CTNNA3: variants seen among roughly 807,000 people sequenced by gnomAD.
CTNNA3 encodes the protein catenin alpha 3, also known as catenin alpha-3.
CTNNA3 carries 76 observed loss-of-function variants against 95.7 expected under a neutral mutation model. The ratio of observed to expected loss-of-function variants is 0.79; its 90% CI spans 0.66 to 0.96. The LOEUF is 0.96. Ranked by LOEUF, CTNNA3 falls within the 40% of genes least tolerant of loss-of-function variation. CTNNA3 has a pLI of 0.00. For synonymous variants in CTNNA3, 431 were observed against 374.4 expected (o/e 1.15, Z -1.74); for missense variants, 1,191 against 1,089.8 (o/e 1.09, Z -1.31).
chr10:66,644,616 T>C (rs1330480566), intron 9 of CTNNA3, among the ~76,000 whole-genome samples: 2 of 151,774 alleles, frequency 1.3e-5, no homozygotes, highest in African/African-American at 4.8e-5. Flanking sequence ...CCTTGCAAAC[T>C]TTATCCCCGT....
chr10:67,316,681 A>G (rs2132539932), intron 5 of CTNNA3, among the ~76,000 whole-genome samples: 1 of 152,352 alleles, frequency 6.6e-6, no homozygotes, highest in South Asian at 2.1e-4. Flanking sequence ...ATTTAACAGC[A>G]ACCACCCTAA....
intron 3 of CTNNA3, among the ~76,000 whole-genome samples, chr10:67,577,240 G>A (rs894947544): frequency 1.1e-4 from 17 of 151,490 alleles, no homozygotes; most frequent in East Asian, 9.8e-4. Context: ...TTTAATGATC[G>A]CCATTCTAAC....
At chr10:66,299,854 A>G (rs1473553715) in intron 12 of CTNNA3, among the ~76,000 whole-genome samples, 1 of 152,200 alleles carries the variant, frequency 6.6e-6, no homozygotes, top group Admixed American at 6.5e-5. Flanking sequence ...AGAAAAATAA[A>G]AATAATATAC....
chr10:66,182,465 C>T (rs1353615159), intron 13 of CTNNA3, among the ~76,000 whole-genome samples: 1 of 152,010 alleles, frequency 6.6e-6, no homozygotes, highest in Non-Finnish European at 1.5e-5. Flanking sequence ...CCATGTTAGC[C>T]AGGATGGTCT....
intron 10 of CTNNA3, among the ~76,000 whole-genome samples, chr10:66,585,462 T>C (rs1463796029): frequency 6.6e-6 from 1 of 151,938 alleles, no homozygotes; most frequent in Non-Finnish European, 1.5e-5. Flanking sequence ...AAATTCTTTC[T>C]TCTGCTTGGT....
At chr10:66,212,776 G>A (rs1405899061) in intron 13 of CTNNA3, among the ~76,000 whole-genome samples, 2 of 152,156 alleles carry the variant, frequency 1.3e-5, no homozygotes, top group African/African-American at 4.8e-5. Context: ...GGCCAAGGTG[G>A]GCAGATTACT....
chr10:67,117,289 G>T (rs915572889), intron 7 of CTNNA3, among the ~76,000 whole-genome samples: 1 of 151,760 alleles, frequency 6.6e-6, no homozygotes, highest in Non-Finnish European at 1.5e-5. Context: ...TACTCCATAA[G>T]TATGATTTAA....
chr10:66,360,777 CTT>C (rs2092660782), intron 12 of CTNNA3, among the ~76,000 whole-genome samples: 1 of 52,952 alleles, frequency 1.9e-5, no homozygotes, highest in Non-Finnish European at 4.1e-5. Context: ...CCTTTTCTTT[CTT>C]TCTTTCTTCC....
chr10:67,513,417 G>A (rs1839704236), intron 5 of CTNNA3, among the ~76,000 whole-genome samples: 1 of 152,190 alleles, frequency 6.6e-6, no homozygotes, highest in East Asian at 1.9e-4. Flanking sequence ...CTTTCTTCTT[G>A]AGTAGGAAAG....
intron 7 of CTNNA3, among the ~76,000 whole-genome samples, chr10:67,070,657 G>A (rs530056032): frequency 1.3e-5 from 2 of 151,996 alleles, no homozygotes; most frequent in South Asian, 4.2e-4. Context: ...TGAGGCAGGG[G>A]AATCGCTTGA....
At chr10:66,252,092 C>T (rs2090576980) in intron 13 of CTNNA3, among the ~76,000 whole-genome samples, 1 of 152,070 alleles carries the variant, frequency 6.6e-6, no homozygotes, top group Admixed American at 6.6e-5. Context: ...ATATTAAGGG[C>T]AACTTTGAAA....
At chr10:67,036,238 A>G (rs1298322651) in intron 7 of CTNNA3, among the ~76,000 whole-genome samples, 3 of 151,428 alleles carry the variant, frequency 2.0e-5, no homozygotes, top group African/African-American at 7.3e-5. Flanking sequence ...CTGCAACCTC[A>G]ACCTCCTGGG....
At chr10:67,628,132 G>A (rs1168189371) in intron 2 of CTNNA3, among the ~76,000 whole-genome samples, 2 of 150,758 alleles carry the variant, frequency 1.3e-5, no homozygotes, top group Non-Finnish European at 3.0e-5. Context: ...TTTAAACTGA[G>A]CCTTAAAATC....
chr10:66,275,361 G>T (rs1342029057), intron 13 of CTNNA3, among the ~76,000 whole-genome samples: 1 of 152,096 alleles, frequency 6.6e-6, no homozygotes, highest in Non-Finnish European at 1.5e-5. Context: ...CAGGCAATCC[G>T]CCCACCTTGG....
In CTNNA3 at chr10:66,775,494, T is replaced by C. The variant is rs779821961; in HGVS notation, c.1078A>G (p.Asn360Asp). The C allele has an allele frequency of 6.8e-6, 11 of 1,611,968 alleles. No homozygotes were observed. In the East Asian group the frequency reaches 2.5e-4, roughly 36 times the overall value. Residue 360 changes from asparagine (N) to aspartate (D), a missense_variant, in exon 8 of 18, where the codon AAT becomes GAT. Transcript: ENST00000433211. Reference protein sequence around the residue: ...AGKKERSNTLNIALDNMCKKT... With the variant: ...AGKKERSNTLDIALDNMCKKT... ...TTACACATGTTGTCTAAAGCAATATTCAGGGTATTACTCCTTTCTTTTTTT... is the reference window on the plus strand; with the variant it reads ...TTACACATGTTGTCTAAAGCAATATCCAGGGTATTACTCCTTTCTTTTTTT...
chr10:66,266,141 AAAGAAGGAAGGAAGG>A (rs2091148663), intron 13 of CTNNA3, among the ~76,000 whole-genome samples: 1 of 151,150 alleles, frequency 6.6e-6, no homozygotes, highest in Non-Finnish European at 1.5e-5. Flanking sequence ...GGAAGGAAGG[AAAGAAGGAAGGAAGG>A]AAAGAAGGAA....
intron 11 of CTNNA3, among the ~76,000 whole-genome samples, chr10:66,506,977 A>C (rs1222550711): frequency 6.6e-6 from 1 of 152,156 alleles, no homozygotes; most frequent in Non-Finnish European, 1.5e-5. Flanking sequence ...TAAATATCAT[A>C]TTGAGATTTA....
At chr10:67,036,528 G>A (rs915583341) in intron 7 of CTNNA3, among the ~76,000 whole-genome samples, 1 of 152,044 alleles carries the variant, frequency 6.6e-6, no homozygotes, top group African/African-American at 2.4e-5. Context: ...GCCGGGCGTG[G>A]TGGCAGCTTT....
intron 13 of CTNNA3, among the ~76,000 whole-genome samples, chr10:66,171,386 A>G (rs1016282552): frequency 2.3e-4 from 35 of 151,682 alleles, no homozygotes; most frequent in African/African-American, 7.7e-4. Flanking sequence ...TCTCTACTAA[A>G]AAATAAAAAA....
Sources: allele counts gnomAD v4.1 joint callset (sites outside exome capture counted in the v4.1 genomes callset), GRCh38; gene constraint gnomAD v4.1.1; transcripts MANE v1.5; gene names NCBI Gene and HGNC (gene_info 2026-07-23, HGNC 2026-07-21).